Variants in KCND2 observed in about 807,000 individuals in gnomAD.
The protein encoded by KCND2 is potassium voltage-gated channel subfamily D member 2.
KCND2 carries 16 observed loss-of-function variants against 54.4 expected under a neutral mutation model. The ratio of observed to expected loss-of-function variants is 0.29; its 90% confidence interval spans 0.20 to 0.45. The LOEUF is 0.45. KCND2 is among the 20% of genes least tolerant of loss of function. KCND2 has a pLI of 1.00. For synonymous variants in KCND2, 317 were observed against 310.7 expected (o/e 1.02, Z -0.21); for missense variants, 486 against 824.2 (o/e 0.59, Z 5.02).
chr7:120,383,661 A>G (rs62471542), intron 1 of KCND2, among the ~76,000 whole-genome samples: 11,919 of 152,112 alleles, frequency 0.078, 593 homozygotes, highest in Admixed American at 0.12. Context: ...GTGTACATAC[A>G]TGTAACATGT....
At chr7:120,610,505 T>C (rs949423265) in intron 1 of KCND2, among the ~76,000 whole-genome samples, 9 of 152,074 alleles carry the variant, frequency 5.9e-5, no homozygotes, top group African/African-American at 2.2e-4. Context: ...CATGAGTTAT[T>C]TGAGGTTCTC....
chr7:120,275,040 G>A lies in KCND2; in HGVS notation c.408G>A (p.Glu136=), dbSNP rs751249356. The A allele has an allele frequency of 3.7e-6, 6 of 1,614,082 alleles. No homozygotes were observed. The South Asian group carries it at 6.6e-5, about 18-fold the overall frequency. Residue 136 remains glutamate, a synonymous_variant, in exon 1 of 6, where the codon GAG becomes GAA. Coordinates refer to ENST00000331113, the MANE Select transcript of KCND2 (RefSeq NM_012281.3). The part of the protein sequence containing the change: ...PEIIGDCCYE[E]YKDRRRENAE... The stretch of plus-strand genomic sequence containing the variant: ...TCATCGGCGACTGCTGTTATGAGGA[G>A]TACAAGGATCGCAGGCGAGAGAACG...
At position 120,273,556 on chromosome 7, in the gene KCND2, G is replaced by C. The variant is rs1799115469; in HGVS notation, c.-1077G>C. The C allele has an allele frequency of 6.5e-6, 1 of 153,226 alleles. No homozygotes were observed. The highest frequency in any genetic ancestry group is 1.8e-4 in the South Asian group (1 of 5,462). The allele number at this position is 153,226 out of a possible 1,614,324, so 9.5% of individuals were successfully genotyped here. A position where few individuals can be genotyped will look rare whatever the true frequency, so the allele number is the denominator to read the frequency against. On this transcript the variant is annotated 5_prime_UTR_variant, in exon 1 of 6. Transcript: ENST00000331113. ...TGAACTTGTTGCTGCTGCTCTGCTC[G>C]CCTGCGCCTGGCTTTTGGAAGGTGA...
At chr7:120,402,885 T>C (rs1801285537) in intron 1 of KCND2, among the ~76,000 whole-genome samples, 2 of 152,220 alleles carry the variant, frequency 1.3e-5, no homozygotes, top group African/African-American at 2.4e-5. Context: ...AATCTCCTTA[T>C]ATTATTACTG....
intron 1 of KCND2, among the ~76,000 whole-genome samples, chr7:120,350,510 C>T (rs570255734): frequency 6.6e-6 from 1 of 152,144 alleles, no homozygotes; most frequent in East Asian, 1.9e-4. Context: ...TTTAACAGTG[C>T]ACTAATGGAA....
chr7:120,377,082 G>C (rs1223287255), intron 1 of KCND2, among the ~76,000 whole-genome samples: 2 of 151,796 alleles, frequency 1.3e-5, no homozygotes, highest in Non-Finnish European at 2.9e-5. Flanking sequence ...GAAAAAATTG[G>C]GTTCAAATTC....
intron 1 of KCND2, among the ~76,000 whole-genome samples, chr7:120,536,905 T>C: frequency 6.6e-6 from 1 of 152,284 alleles, no homozygotes; most frequent in African/African-American, 2.4e-5. Flanking sequence ...TCTTTTTAAT[T>C]TTTTTAAATT....
chr7:120,503,500 A>AT (rs1802968392), intron 1 of KCND2, among the ~76,000 whole-genome samples: 1 of 151,948 alleles, frequency 6.6e-6, no homozygotes, highest in Non-Finnish European at 1.5e-5. Flanking sequence ...TCTTTTAAAC[A>AT]TAAGTGTTCC....
chr7:120,436,109 A>G (rs1478336069), intron 1 of KCND2, among the ~76,000 whole-genome samples: 1 of 152,192 alleles, frequency 6.6e-6, no homozygotes. Flanking sequence ...TTAAAGCTTT[A>G]TTTTTGCATT....
intron 1 of KCND2, among the ~76,000 whole-genome samples, chr7:120,288,633 A>G (rs1799384390): frequency 6.6e-6 from 1 of 152,132 alleles, no homozygotes; most frequent in Non-Finnish European, 1.5e-5. Flanking sequence ...CATGAGGTCC[A>G]GGTGTAATGA....
At chr7:120,348,150 A>G (rs950252429) in intron 1 of KCND2, among the ~76,000 whole-genome samples, 1 of 152,202 alleles carries the variant, frequency 6.6e-6, no homozygotes, top group Non-Finnish European at 1.5e-5. Context: ...GCAGATATAA[A>G]CAGGGAATCA....
intron 1 of KCND2, among the ~76,000 whole-genome samples, chr7:120,602,237 T>A (rs1338910388): frequency 2.0e-5 from 3 of 152,248 alleles, no homozygotes; most frequent in Admixed American, 6.5e-5. Context: ...AATGGGTTAT[T>A]ATGAAAAATG....
intron 1 of KCND2, among the ~76,000 whole-genome samples, chr7:120,423,487 G>A (rs570688838): frequency 2.6e-5 from 4 of 152,336 alleles, no homozygotes; most frequent in Non-Finnish European, 4.4e-5. Context: ...CAAAGTAAGA[G>A]CATGCTGCCC....
chr7:120,431,713 A>T (rs1206311308), intron 1 of KCND2, among the ~76,000 whole-genome samples: 1 of 152,176 alleles, frequency 6.6e-6, no homozygotes, highest in African/African-American at 2.4e-5. Context: ...CAGGACTTGT[A>T]CTTTTACATT....
intron 1 of KCND2, among the ~76,000 whole-genome samples, chr7:120,622,672 C>A (rs1326110402): frequency 7.2e-6 from 1 of 138,164 alleles, no homozygotes; most frequent in African/African-American, 3.0e-5. Flanking sequence ...CTTACACACA[C>A]ACACACACAC....
chr7:120,413,636 C>T (rs1204198914), intron 1 of KCND2, among the ~76,000 whole-genome samples: 2 of 151,918 alleles, frequency 1.3e-5, no homozygotes, highest in Non-Finnish European at 2.9e-5. Context: ...AATCCCTTTT[C>T]ATGCAAATTG....
intron 1 of KCND2, among the ~76,000 whole-genome samples, chr7:120,395,921 A>G (rs1299416460): frequency 1.3e-5 from 2 of 151,980 alleles, no homozygotes; most frequent in Non-Finnish European, 2.9e-5. Flanking sequence ...AAAGACTCCT[A>G]TGGGCCTCCT....
At chr7:120,447,795 A>G (rs926220598) in intron 1 of KCND2, among the ~76,000 whole-genome samples, 2 of 152,170 alleles carry the variant, frequency 1.3e-5, no homozygotes, top group African/African-American at 4.8e-5. Context: ...TTGGGTTTCC[A>G]AATGGATATG....
intron 1 of KCND2, among the ~76,000 whole-genome samples, chr7:120,462,749 T>G (rs370561497): frequency 1.3e-5 from 2 of 151,596 alleles, no homozygotes; most frequent in East Asian, 1.9e-4. Context: ...TGAAAAGAAA[T>G]AAAACAAGTC....
Sources: gnomAD v4.1 joint callset for allele counts (sites outside exome capture counted in the v4.1 genomes callset) on GRCh38, gnomAD v4.1.1 for gene constraint, MANE v1.5 for transcripts, NCBI Gene and HGNC (gene_info 2026-07-23, HGNC 2026-07-21) for gene names.